Variants in SNRNP40 observed in about 807,000 individuals in gnomAD.
The protein encoded by SNRNP40 is small nuclear ribonucleoprotein U5 subunit 40.
A neutral mutation model predicts 45.8 loss-of-function variants in SNRNP40; 21 were observed. The ratio of observed to expected loss-of-function variants is 0.46; its 90% CI spans 0.32 to 0.66. SNRNP40 has a LOEUF of 0.66. Ranked by LOEUF, SNRNP40 falls within the 30% of genes least tolerant of loss-of-function variation. SNRNP40 has a pLI of 0.03. For missense variants in SNRNP40, 344 were observed against 439.1 expected (o/e 0.78, Z 1.94); for synonymous variants, 142 against 163.8 (o/e 0.87, Z 1.01).
chr1:31,286,947 A>G (rs541251205), intron 4 of SNRNP40, among the ~76,000 whole-genome samples: 4 of 152,346 alleles, frequency 2.6e-5, no homozygotes, highest in African/African-American at 9.6e-5. Context: ...ATGAGTACAT[A>G]CACACATACA....
chr1:31,276,991 G>C (rs1645980210), intron 5 of SNRNP40, among the ~76,000 whole-genome samples: 1 of 151,744 alleles, frequency 6.6e-6, no homozygotes, highest in Admixed American at 6.6e-5. Context: ...CTGAGATTGT[G>C]CCATTGCGCT....
intron 6 of SNRNP40, among the ~76,000 whole-genome samples, chr1:31,270,048 G>A (rs1645927044): frequency 6.6e-6 from 1 of 152,090 alleles, no homozygotes; most frequent in Non-Finnish European, 1.5e-5. Flanking sequence ...GATTACAGGT[G>A]CCCACCACCA....
chr1:31,261,669 T>TAG (rs745834902), intron 8 of SNRNP40, 37 bp from the exon 9 acceptor site: 1 of 1,375,420 alleles, frequency 7.3e-7, no homozygotes, highest in Non-Finnish European at 1.0e-6. Context: ...TAAGTCCTCT[T>TAG]AGAGCTGGGG....
chr1:31,260,154 T>C (rs2148377801), intron 9 of SNRNP40, 33 bp from the exon 10 acceptor site: 3 of 1,508,226 alleles, frequency 2.0e-6, no homozygotes, highest in Middle Eastern at 1.8e-4. Flanking sequence ...CTAGAAATAA[T>C]GAAGGCTCAA....
At chr1:31,280,140 A>G (rs1646005372) in intron 5 of SNRNP40, among the ~76,000 whole-genome samples, 1 of 140,680 alleles carries the variant, frequency 7.1e-6, no homozygotes, top group Admixed American at 7.2e-5. Context: ...AAAAAGGACT[A>G]CCTTTAGACA....
chr1:31,290,210 A>G (rs1646093810), intron 3 of SNRNP40, among the ~76,000 whole-genome samples: 2 of 150,472 alleles, frequency 1.3e-5, no homozygotes, highest in African/African-American at 4.9e-5. Flanking sequence ...TTCTTTTTTC[A>G]TTTTTTTTGA....
chr1:31,285,321 G>A (rs1301223185), intron 4 of SNRNP40, among the ~76,000 whole-genome samples: 2 of 148,840 alleles, frequency 1.3e-5, no homozygotes, highest in African/African-American at 5.0e-5. Flanking sequence ...TCCGCTCACT[G>A]CAACCTCCAC....
chr1:31,267,220 G>A (rs757920408), intron 8 of SNRNP40, among the ~76,000 whole-genome samples: 1 of 152,064 alleles, frequency 6.6e-6, no homozygotes, highest in Non-Finnish European at 1.5e-5. Context: ...TGGGGGAGGT[G>A]GGTATTTAAT....
Position 31,293,216 on chromosome 1 carries a change from C to T in SNRNP40, c.271+3G>A. Reference sequence around the variant, plus strand: ...TATTCCAGATTCAAAAACTATGCCTCACATATCAGTCGGTCAAATCCTGCA... The same window carrying T: ...TATTCCAGATTCAAAAACTATGCCTTACATATCAGTCGGTCAAATCCTGCA... On this transcript the variant is annotated splice_donor_region_variant and intron_variant, in intron 2 of 9. Coordinates refer to ENST00000263694, the MANE Select transcript of SNRNP40 (RefSeq NM_004814.3). 6.2e-7 allele frequency: 1 copy of T among 1,613,604 alleles called. No homozygotes were observed. Among genetic ancestry groups the T allele is most frequent in the Non-Finnish European group, 8.5e-7 (1 of 1,179,790 alleles).
At chr1:31,262,617 T>G in intron 8 of SNRNP40, among the ~76,000 whole-genome samples, 1 of 151,236 alleles carries the variant, frequency 6.6e-6, no homozygotes, top group Middle Eastern at 3.2e-3. Flanking sequence ...CAGTGACGTT[T>G]CCAAGGCAAT....
At chr1:31,281,826 A>T (rs1355327774) in intron 4 of SNRNP40, 1 of 175,650 alleles carries the variant, frequency 5.7e-6, no homozygotes, top group East Asian at 1.4e-4. Flanking sequence ...GATATCAGAC[A>T]ATTTTTTCAA....
chr1:31,288,550 G>T (rs1646078185), intron 4 of SNRNP40, among the ~76,000 whole-genome samples: 1 of 152,146 alleles, frequency 6.6e-6, no homozygotes, highest in South Asian at 2.1e-4. Flanking sequence ...TTCAGGTGAT[G>T]ATGATATAAA....
At chr1:31,274,110 G>A (rs1204793576) in intron 5 of SNRNP40, among the ~76,000 whole-genome samples, 2 of 152,104 alleles carry the variant, frequency 1.3e-5, no homozygotes, top group Non-Finnish European at 2.9e-5. Flanking sequence ...GACAGGCAGA[G>A]GCCAGCTCAT....
At position 31,259,841 on chromosome 1, in the gene SNRNP40, A is replaced by AAG; in HGVS notation, c.*230_*231insCT. 4.4e-6 allele frequency: 3 copies of AAG among 681,884 alleles called. No individual in the cohort carries two copies. In the African/African-American group the frequency reaches 5.3e-5, roughly 12 times the overall value. 42.2% of individuals were successfully genotyped at this position (681,884 alleles called of 1,614,324 possible). A position where few individuals can be genotyped will look rare whatever the true frequency, so the allele number is the denominator to read the frequency against. ...GGAAAAAAGAAAAAGAAAAAAAAAA[A>AAG]CAGTCCCTGAAATCTGGCAGGTGGT... On this transcript the variant is annotated 3_prime_UTR_variant, in exon 10 of 10. Transcript: ENST00000263694.
rs1344462977 is a variant in SNRNP40, at chr1:31,283,580, G to A, written c.532-2084C>T. Among the ~76,000 whole-genome samples the A allele has an allele frequency of 2.0e-5, 3 of 152,150 alleles. No homozygotes were observed. In the East Asian group the frequency reaches 5.8e-4, roughly 29 times the overall value. ...ATCGCACTACTGCACTCCAGCCTGGGCTACAGAGCGAGACTTCGTCTCAAA... is the reference window on the plus strand; with the variant it reads ...ATCGCACTACTGCACTCCAGCCTGGACTACAGAGCGAGACTTCGTCTCAAA... On this transcript the variant is annotated intron_variant, in intron 4 of 9. Coordinates refer to ENST00000263694, the MANE Select transcript of SNRNP40 (RefSeq NM_004814.3).
At chr1:31,276,359 G>A (rs576768266) in intron 5 of SNRNP40, among the ~76,000 whole-genome samples, 4 of 152,260 alleles carry the variant, frequency 2.6e-5, no homozygotes, top group South Asian at 4.1e-4. Flanking sequence ...TGGGCAACAC[G>A]AGTGAGACCT....
chr1:31,273,552 A>G (rs910531148), intron 5 of SNRNP40, among the ~76,000 whole-genome samples: 10 of 152,110 alleles, frequency 6.6e-5, no homozygotes, highest in Admixed American at 1.3e-4. Context: ...AGGCAGAAGA[A>G]TCACTTGAAC....
At chr1:31,290,210 A>AT (rs1313625202) in intron 3 of SNRNP40, among the ~76,000 whole-genome samples, 1 of 150,590 alleles carries the variant, frequency 6.6e-6, no homozygotes, top group South Asian at 2.1e-4. Context: ...TTCTTTTTTC[A>AT]TTTTTTTTGA....
At position 31,260,093 on chromosome 1, in the gene SNRNP40, C is replaced by T; in HGVS notation, c.1053G>A (p.Leu351=). 1.2e-6 allele frequency: 2 copies of T among 1,610,254 alleles called. No individual in the cohort carries two copies. The highest frequency in any genetic ancestry group is 1.7e-6 in the Non-Finnish European group (2 of 1,177,580). The change falls in exon 10 of 10, where the codon CTG becomes CTA. Residue 351 remains leucine, a synonymous_variant. Coordinates refer to ENST00000263694, the MANE Select transcript of SNRNP40 (RefSeq NM_004814.3). ...IIISASSDKR[L]YMGEIQ is the part of the protein sequence containing the mutation. Reference sequence around the variant, plus strand: ...ATCTTCACTGAATCTCTCCCATATACAGTCTCTTGTCACTCGATGCTGAGA... The same window carrying T: ...ATCTTCACTGAATCTCTCCCATATATAGTCTCTTGTCACTCGATGCTGAGA...
Sources: allele counts gnomAD v4.1 joint callset (sites outside exome capture counted in the v4.1 genomes callset), GRCh38; gene constraint gnomAD v4.1.1; transcripts MANE v1.5; gene names NCBI Gene and HGNC (gene_info 2026-07-23, HGNC 2026-07-21).